COL28A1: variants seen among roughly 807,000 people sequenced by gnomAD.
The protein encoded by COL28A1 is collagen type XXVIII alpha 1 chain.
COL28A1 carries 161 observed loss-of-function variants against 150.2 expected under a neutral mutation model. That is an observed-to-expected ratio of 1.07 (90% CI 0.94 to 1.22). COL28A1 has a LOEUF of 1.22. COL28A1 is among the 50% of genes most tolerant of loss of function. The pLI is 0.00. For synonymous variants in COL28A1, 552 were observed against 469.7 expected (o/e 1.18, Z -2.26); for missense variants, 1,617 against 1,388.3 (o/e 1.16, Z -2.62).
chr7:7,484,490 A>C (rs1243416241), intron 13 of COL28A1, among the ~76,000 whole-genome samples: 2 of 152,188 alleles, frequency 1.3e-5, no homozygotes, highest in African/African-American at 4.8e-5. Flanking sequence ...TCAACTAAGA[A>C]ATGGGTAAAT....
intron 13 of COL28A1, among the ~76,000 whole-genome samples, chr7:7,477,611 G>T (rs767594443): frequency 1.1e-4 from 17 of 152,180 alleles, no homozygotes; most frequent in Non-Finnish European, 2.1e-4. Context: ...TGTGTTCCCA[G>T]TTTCTTCTTT....
intron 15 of COL28A1, among the ~76,000 whole-genome samples, chr7:7,457,899 C>A (rs544853155): frequency 6.6e-6 from 1 of 152,272 alleles, no homozygotes; most frequent in South Asian, 2.1e-4. Context: ...TACATTAGGG[C>A]CGCAAAACTT....
intron 14 of COL28A1, among the ~76,000 whole-genome samples, 197 bp from the exon 15 acceptor site, chr7:7,474,866 T>A (rs1477384413): frequency 6.6e-6 from 1 of 152,190 alleles, no homozygotes; most frequent in East Asian, 1.9e-4. Flanking sequence ...TCATAACACT[T>A]AAACAAGAAG....
At chr7:7,451,604 C>T (rs762650986) in intron 18 of COL28A1, among the ~76,000 whole-genome samples, 30 of 151,888 alleles carry the variant, frequency 2.0e-4, no homozygotes, top group Non-Finnish European at 3.2e-4. Flanking sequence ...GGTACTCTAA[C>T]GGCTGAGCCT....
chr7:7,426,442 A>G (rs1784646780), intron 25 of COL28A1, among the ~76,000 whole-genome samples: 1 of 152,208 alleles, frequency 6.6e-6, no homozygotes, highest in Non-Finnish European at 1.5e-5. Context: ...GTATATGCAC[A>G]TATTGGCAAT....
chr7:7,509,926 G>A (rs1431057808), intron 9 of COL28A1, among the ~76,000 whole-genome samples: 1 of 152,102 alleles, frequency 6.6e-6, no homozygotes, highest in Non-Finnish European at 1.5e-5. Context: ...ACCTTTTGCA[G>A]ATCCACCTGA....
chr7:7,413,914 G>A (rs1169369511), intron 27 of COL28A1, among the ~76,000 whole-genome samples: 1 of 152,142 alleles, frequency 6.6e-6, no homozygotes. Flanking sequence ...ACCTCACAAA[G>A]TCTTTAAAGT....
downstream of COL28A1, among the ~76,000 whole-genome samples, chr7:7,351,340 G>C (rs1261778650): frequency 1.3e-5 from 2 of 152,148 alleles, no homozygotes; most frequent in African/African-American, 4.8e-5. Context: ...GGCTTTACAA[G>C]GTCAGAGTAG....
chr7:7,370,870 TGCTTCA>T lies in COL28A1; in HGVS notation c.2915_2920del (p.Leu972_Lys973del). On this transcript the variant is annotated inframe_deletion, in exon 33 of 35. Coordinates refer to ENST00000399429, the MANE Select transcript of COL28A1 (RefSeq NM_001037763.3). ...CTCACAAATTTTTTGAAACAATTTT[TGCTTCA>T]GGGTGTCTTTTAAAAAAGAAGTAGA... 6.2e-7 allele frequency: 1 copy of T among 1,609,632 alleles called. No individual in the cohort carries two copies. Among genetic ancestry groups the T allele is most frequent in the Non-Finnish European group, 8.5e-7 (1 of 1,176,788 alleles).
intron 15 of COL28A1, among the ~76,000 whole-genome samples, chr7:7,457,475 A>T (rs1787259453): frequency 1.3e-5 from 2 of 152,188 alleles, no homozygotes; most frequent in East Asian, 3.9e-4. Context: ...TGATATCAGG[A>T]GTTCAGTTTT....
intron 25 of COL28A1, among the ~76,000 whole-genome samples, chr7:7,423,859 C>A (rs909091453): frequency 1.3e-5 from 2 of 152,138 alleles, no homozygotes; most frequent in Admixed American, 6.5e-5. Context: ...TAACCCTCAA[C>A]CTTTGGGAGT....
At chr7:7,380,509 C>G (rs901248335) in intron 30 of COL28A1, 151 bp downstream of exon 30, 34 of 669,746 alleles carry the variant, frequency 5.1e-5, no homozygotes, top group Admixed American at 5.5e-5. Context: ...CCTCATGCAT[C>G]TAAGCCAACA....
At chr7:7,476,144 G>A (rs557911157) in intron 14 of COL28A1, among the ~76,000 whole-genome samples, 3 of 152,290 alleles carry the variant, frequency 2.0e-5, no homozygotes, top group East Asian at 1.9e-4. Flanking sequence ...CTGATGTGGA[G>A]GGTCTCAGAC....
intron 27 of COL28A1, among the ~76,000 whole-genome samples, chr7:7,383,063 T>C (rs1781953521): frequency 6.6e-6 from 1 of 151,988 alleles, no homozygotes; most frequent in Non-Finnish European, 1.5e-5. Context: ...ACAAAAATCA[T>C]ATAGAATAAA....
intron 1 of COL28A1, among the ~76,000 whole-genome samples, chr7:7,534,223 G>A (rs116638175): frequency 0.012 from 1,754 of 152,284 alleles, 43 homozygotes; most frequent in African/African-American, 0.039. Context: ...CAAACATCTT[G>A]TGTAGCAATT....
chr7:7,396,718 T>C (rs1583286896), intron 27 of COL28A1, among the ~76,000 whole-genome samples: 2 of 152,210 alleles, frequency 1.3e-5, no homozygotes, highest in East Asian at 3.8e-4. Flanking sequence ...CAGAATACAA[T>C]CCTGATGGGC....
At chr7:7,472,264 G>A (rs577560237) in intron 15 of COL28A1, among the ~76,000 whole-genome samples, 128 of 152,150 alleles carry the variant, frequency 8.4e-4, no homozygotes, top group Middle Eastern at 3.4e-3. Context: ...TGTTTACCTA[G>A]AAAACCCTAA....
At chr7:7,498,810 T>G in intron 11 of COL28A1, among the ~76,000 whole-genome samples, 1 of 152,158 alleles carries the variant, frequency 6.6e-6, no homozygotes, top group Non-Finnish European at 1.5e-5. Context: ...CCCCTTTGAC[T>G]ATGCATGCAG....
Position 7,432,632 on chromosome 7 carries a change from AG to A in COL28A1, c.1928del (p.Pro643LeufsTer41). 6.2e-7 allele frequency: 1 copy of A among 1,613,976 alleles called. No homozygotes were observed. Among genetic ancestry groups the A allele is most frequent in the Non-Finnish European group, 8.5e-7 (1 of 1,179,916 alleles). ...GGGAAGAAAAAAATGTCCCACTTAC[AG>A]GCACACCAGGATAGCCATCACCTTT... ...GLKGDGYPGV[P>X]GPRGLPGPPG... On this transcript the variant is annotated frameshift_variant and splice_region_variant, in exon 24 of 35. Transcript: ENST00000399429. LOFTEE classifies it high-confidence loss of function.
Sources: allele counts gnomAD v4.1 joint callset (sites outside exome capture counted in the v4.1 genomes callset), GRCh38; gene constraint gnomAD v4.1.1; transcripts MANE v1.5; gene names NCBI Gene and HGNC (gene_info 2026-07-23, HGNC 2026-07-21).